PPP4R1: variants seen among roughly 807,000 people sequenced by gnomAD.
The protein encoded by PPP4R1 is protein phosphatase 4 regulatory subunit 1.
PPP4R1 carries 42 observed loss-of-function variants against 111.2 expected under a neutral mutation model. The observed-to-expected ratio is 0.38, with a 90% CI of 0.29 to 0.49. The LOEUF (loss-of-function observed/expected upper bound fraction) is 0.49. Ranked by LOEUF, PPP4R1 falls within the 20% of genes least tolerant of loss-of-function variation. The probability of loss-of-function intolerance (pLI) is 0.97; values close to 1 mark genes in which losing one functional copy is unlikely to be tolerated. For synonymous variants in PPP4R1, 409 were observed against 405.5 expected (o/e 1.01, Z -0.10); for missense variants, 1,012 against 1,161.6 (o/e 0.87, Z 1.87).
chr18:9,570,120 T>C, intron 11 of PPP4R1, 37 bp downstream of exon 11: 1 of 1,478,338 alleles, frequency 6.8e-7, no homozygotes, highest in Non-Finnish European at 9.0e-7. Context: ...ATATTTTTAA[T>C]CAATTTCAGA....
chr18:9,610,423 C>T (rs1185763386), intron 2 of PPP4R1, among the ~76,000 whole-genome samples: 1 of 152,122 alleles, frequency 6.6e-6, no homozygotes, highest in Non-Finnish European at 1.5e-5. Flanking sequence ...GAAAGTTTCA[C>T]TTTTAAACTT....
intron 11 of PPP4R1, among the ~76,000 whole-genome samples, chr18:9,564,039 T>G (rs1425675851): frequency 6.6e-6 from 1 of 152,234 alleles, no homozygotes; most frequent in Non-Finnish European, 1.5e-5. Context: ...TATTTTTCTC[T>G]AATTCTTTTT....
intron 2 of PPP4R1, among the ~76,000 whole-genome samples, chr18:9,602,525 G>A (rs1349124675): frequency 3.6e-4 from 53 of 147,110 alleles, no homozygotes; most frequent in African/African-American, 1.2e-3. Context: ...CAGCCTGGGC[G>A]ACAGAGCAAG....
intron 13 of PPP4R1, among the ~76,000 whole-genome samples, chr18:9,561,009 G>A (rs573128026): frequency 6.6e-6 from 1 of 152,110 alleles, no homozygotes; most frequent in East Asian, 1.9e-4. Context: ...CTTGAGGTCA[G>A]GAGTTCATGA....
chr18:9,575,304 T>C (rs922059053), intron 10 of PPP4R1, among the ~76,000 whole-genome samples: 1 of 152,188 alleles, frequency 6.6e-6, no homozygotes. Flanking sequence ...GCATAATCAA[T>C]CAATCAATCT....
intron 10 of PPP4R1, among the ~76,000 whole-genome samples, chr18:9,572,144 T>G (rs78959619): frequency 5.7e-4 from 87 of 152,246 alleles, no homozygotes; most frequent in African/African-American, 2.0e-3. Flanking sequence ...GAGGTTGAGT[T>G]AGCTATCCAC....
chr18:9,563,668 A>G (rs746313079), intron 11 of PPP4R1, 118 bp from the exon 12 acceptor site: 7 of 989,600 alleles, frequency 7.1e-6, no homozygotes, highest in Non-Finnish European at 9.7e-6. Flanking sequence ...TGACACTGCA[A>G]TCAAAAAGCT....
At chr18:9,566,888 GCTCA>G (rs2066776812) in intron 11 of PPP4R1, among the ~76,000 whole-genome samples, 1 of 152,122 alleles carries the variant, frequency 6.6e-6, no homozygotes, top group Non-Finnish European at 1.5e-5. Flanking sequence ...AATTATTACT[GCTCA>G]CTGACAATAC....
intron 16 of PPP4R1, chr18:9,551,193 G>T (rs567189089): frequency 6.6e-6 from 1 of 152,150 alleles, no homozygotes; most frequent in African/African-American, 2.4e-5. Flanking sequence ...TGCAAAGAAC[G>T]TCACTGACCC....
chr18:9,602,667 C>G (rs1230950070), intron 2 of PPP4R1, among the ~76,000 whole-genome samples: 1 of 152,044 alleles, frequency 6.6e-6, no homozygotes, highest in Non-Finnish European at 1.5e-5. Context: ...TGACACCATC[C>G]TGGCCAACAT....
chr18:9,610,834 G>A (rs557338794), intron 2 of PPP4R1, among the ~76,000 whole-genome samples: 1 of 151,070 alleles, frequency 6.6e-6, no homozygotes, highest in South Asian at 2.1e-4. Context: ...AAAAGTTTAA[G>A]TTCTAATGAA....
intron 2 of PPP4R1, among the ~76,000 whole-genome samples, chr18:9,604,584 T>G (rs1306132620): frequency 6.6e-6 from 1 of 152,160 alleles, no homozygotes; most frequent in Non-Finnish European, 1.5e-5. Flanking sequence ...TCTAACCTCA[T>G]CTCAGCTTAA....
intron 2 of PPP4R1, among the ~76,000 whole-genome samples, chr18:9,606,717 T>C (rs1373683991): frequency 6.6e-6 from 1 of 151,942 alleles, no homozygotes; most frequent in Non-Finnish European, 1.5e-5. Context: ...TATAATGTAT[T>C]TCTATTTATA....
intron 12 of PPP4R1, 27 bp downstream of exon 12, chr18:9,563,351 T>C: frequency 6.4e-7 from 1 of 1,570,458 alleles, no homozygotes; most frequent in East Asian, 2.3e-5. Context: ...TACTCTCATT[T>C]GGTAAACACT....
chr18:9,612,473 A>C (rs942619425), intron 2 of PPP4R1: 1 of 152,086 alleles, frequency 6.6e-6, no homozygotes, highest in Non-Finnish European at 1.5e-5. Context: ...GAGTGTTGAA[A>C]CTCATGGTTG....
intron 16 of PPP4R1, chr18:9,550,661 G>T (rs76575957): frequency 3.2e-4 from 130 of 405,938 alleles, no homozygotes; most frequent in African/African-American, 2.5e-3. Flanking sequence ...GACTGAGACA[G>T]AGCAAAGCAC....
intron 16 of PPP4R1, among the ~76,000 whole-genome samples, chr18:9,552,230 G>C (rs2066500612): frequency 6.6e-6 from 1 of 152,144 alleles, no homozygotes; most frequent in African/African-American, 2.4e-5. Flanking sequence ...TTAAAAATGT[G>C]CAACAGACTT....
chr18:9,549,415 T>C (rs1161095393), intron 18 of PPP4R1, 77 bp from the exon 19 acceptor site: 28 of 1,526,716 alleles, frequency 1.8e-5, no homozygotes, highest in Middle Eastern at 2.1e-4. Flanking sequence ...ACAAAATCTC[T>C]GAGTGACCAC....
intron 9 of PPP4R1, among the ~76,000 whole-genome samples, chr18:9,582,855 T>C (rs897854328): frequency 6.6e-6 from 1 of 152,166 alleles, no homozygotes; most frequent in Non-Finnish European, 1.5e-5. Flanking sequence ...AAGATGCAAG[T>C]GGTTTAACAT....
Sources: gnomAD v4.1 joint callset for allele counts (sites outside exome capture counted in the v4.1 genomes callset) on GRCh38, gnomAD v4.1.1 for gene constraint, MANE v1.5 for transcripts, NCBI Gene and HGNC (gene_info 2026-07-23, HGNC 2026-07-21) for gene names.